The following ITPR1 variants were observed in gnomAD, a reference collection of about 807,000 sequenced individuals.
The protein encoded by ITPR1 is inositol 1,4,5-trisphosphate-gated calcium channel ITPR1.
In ITPR1, 96 loss-of-function variants were observed where a neutral mutation model predicts 318.4. That is an observed-to-expected ratio of 0.30 (90% CI 0.26 to 0.36). The LOEUF (loss-of-function observed/expected upper bound fraction) is 0.36, where lower values mean the gene tolerates loss of function less well. ITPR1 is among the 10% of genes least tolerant of loss of function. The pLI, the probability that ITPR1 is intolerant of heterozygous loss-of-function variation, is 1.00. For missense variants in ITPR1, 2,440 were observed against 3,460.2 expected (o/e 0.71, Z 7.40); for synonymous variants, 1,312 against 1,289.9 (o/e 1.02, Z -0.37).
intron 2 of ITPR1, among the ~76,000 whole-genome samples, chr3:4,510,074 G>A (rs913325795): frequency 2.0e-5 from 3 of 152,336 alleles, no homozygotes; most frequent in South Asian, 4.1e-4. Context: ...CTGGGAGGTC[G>A]GAGAGGGCTT....
intron 42 of ITPR1, among the ~76,000 whole-genome samples, chr3:4,731,282 G>A (rs983265093): frequency 6.6e-6 from 1 of 152,182 alleles, no homozygotes; most frequent in South Asian, 2.1e-4. Context: ...TACCAGTAAA[G>A]TTGTATCTTG....
chr3:4,793,625 A>G (rs1443202563), intron 52 of ITPR1, among the ~76,000 whole-genome samples: 1 of 152,238 alleles, frequency 6.6e-6, no homozygotes, highest in Non-Finnish European at 1.5e-5. Context: ...GTACATTGCT[A>G]CGTAGTGGTT....
intron 2 of ITPR1, among the ~76,000 whole-genome samples, chr3:4,496,671 T>G (rs1478693833): frequency 6.6e-6 from 1 of 152,072 alleles, no homozygotes; most frequent in Non-Finnish European, 1.5e-5. Context: ...AGGGTGTTGG[T>G]ATTGCGGGGA....
At chr3:4,658,956 C>A (rs1051015394) in intron 13 of ITPR1, among the ~76,000 whole-genome samples, 2 of 152,132 alleles carry the variant, frequency 1.3e-5, no homozygotes, top group African/African-American at 4.8e-5. Context: ...TCTCAAAAAA[C>A]CCAGTGAGAG....
At chr3:4,591,837 G>A (rs573492889) in intron 4 of ITPR1, among the ~76,000 whole-genome samples, 29 of 152,264 alleles carry the variant, frequency 1.9e-4, no homozygotes, top group African/African-American at 5.8e-4. Context: ...TCACTTCAAC[G>A]TGGCTGATTT....
intron 60 of ITPR1, among the ~76,000 whole-genome samples, chr3:4,822,960 C>CT (rs2049826211): frequency 6.6e-6 from 1 of 152,148 alleles, no homozygotes; most frequent in Non-Finnish European, 1.5e-5. Flanking sequence ...TGGTGATAGC[C>CT]TTTTTTAATA....
At chr3:4,777,453 C>A (rs2046550957) in intron 48 of ITPR1, 79 bp downstream of exon 48, 1 of 802,282 alleles carries the variant, frequency 1.2e-6, no homozygotes. Flanking sequence ...TGCACATGGG[C>A]AATTAGTCAT....
At chr3:4,743,270 A>G (rs1356133943) in intron 44 of ITPR1, among the ~76,000 whole-genome samples, 1 of 152,188 alleles carries the variant, frequency 6.6e-6, no homozygotes, top group Non-Finnish European at 1.5e-5. Context: ...ATTGAACAGG[A>G]GTCCTTGAGG....
At chr3:4,546,883 G>A (rs1318281701) in intron 4 of ITPR1, among the ~76,000 whole-genome samples, 2 of 131,498 alleles carry the variant, frequency 1.5e-5, no homozygotes, top group African/African-American at 2.8e-5. Flanking sequence ...AGGACCAGGG[G>A]AAGAGAGGGG....
At chr3:4,660,881 G>C (rs2093817497) in intron 13 of ITPR1, 107 bp from the exon 14 acceptor site, 2 of 573,258 alleles carry the variant, frequency 3.5e-6, no homozygotes, top group Non-Finnish European at 6.0e-6. Flanking sequence ...GTATGCAGTA[G>C]GAAACCACTT....
chr3:4,690,341 A>T (rs912021149), intron 31 of ITPR1, among the ~76,000 whole-genome samples: 2 of 152,234 alleles, frequency 1.3e-5, no homozygotes, highest in Non-Finnish European at 2.9e-5. Context: ...GTTGGAGAGG[A>T]TATCCAAATG....
chr3:4,688,652 G>A (rs1398627260), intron 31 of ITPR1, 32 bp downstream of exon 31: 15 of 1,601,306 alleles, frequency 9.4e-6, no homozygotes, highest in East Asian at 2.2e-5. Flanking sequence ...CAAATCTATA[G>A]AGGGAGGAGG....
intron 4 of ITPR1, among the ~76,000 whole-genome samples, chr3:4,521,945 T>C (rs2082602475): frequency 6.6e-6 from 1 of 152,256 alleles, no homozygotes; most frequent in Non-Finnish European, 1.5e-5. Context: ...GTTTTTTCTT[T>C]AGGCCTCCTG....
rs189932678 is a variant in ITPR1 at position 4,508,223 on chromosome 3, A to G, written c.-16-8253A>G. ...CCCAGTGGCCAGGTGGCTTCATCTT[A>G]ATTAAACGTAGGAGGCTTGCCTTTG... On this transcript the variant is annotated intron_variant, in intron 2 of 61. Coordinates refer to ENST00000649015, the MANE Select transcript of ITPR1 (RefSeq NM_001378452.1). 1.6e-4 allele frequency among the ~76,000 whole-genome samples: 24 copies of G among 152,252 alleles called. No individual in the cohort carries two copies. The East Asian group carries it at 4.6e-3, about 29-fold the overall frequency.
At chr3:4,784,326 A>C (rs1217019839) in intron 51 of ITPR1, among the ~76,000 whole-genome samples, 1 of 152,176 alleles carries the variant, frequency 6.6e-6, no homozygotes, top group Non-Finnish European at 1.5e-5. Flanking sequence ...GGGGAATAAC[A>C]GCAAGCGAAA....
intron 61 of ITPR1, among the ~76,000 whole-genome samples, chr3:4,838,542 G>A (rs1245930926): frequency 2.6e-5 from 4 of 152,078 alleles, no homozygotes; most frequent in Non-Finnish European, 4.4e-5. Context: ...TTTAAATTAG[G>A]TGCCAAAAAA....
chr3:4,614,923 C>A (rs187693071), intron 4 of ITPR1, among the ~76,000 whole-genome samples: 1 of 152,258 alleles, frequency 6.6e-6, no homozygotes, highest in East Asian at 1.9e-4. Context: ...AGCACAATGC[C>A]TTATCACTCT....
At chr3:4,690,499 T>G (rs950302918) in intron 31 of ITPR1, among the ~76,000 whole-genome samples, 1 of 152,208 alleles carries the variant, frequency 6.6e-6, no homozygotes, top group Non-Finnish European at 1.5e-5. Context: ...GAATGTAGAA[T>G]GCAACTTGTT....
At chr3:4,755,395 A>G (rs1168660433) in intron 44 of ITPR1, among the ~76,000 whole-genome samples, 2 of 112,764 alleles carry the variant, frequency 1.8e-5, no homozygotes, top group African/African-American at 2.7e-5. Flanking sequence ...TTTTCCCCCA[A>G]TTAAAAACAT....
Sources: gnomAD v4.1 joint callset for allele counts (sites outside exome capture counted in the v4.1 genomes callset) on GRCh38, gnomAD v4.1.1 for gene constraint, MANE v1.5 for transcripts, NCBI Gene and HGNC (gene_info 2026-07-23, HGNC 2026-07-21) for gene names.